CWC27: variants seen among roughly 807,000 people sequenced by gnomAD.
The protein encoded by CWC27 is CWC27 spliceosome associated cyclophilin, also known as spliceosome-associated protein CWC27 homolog.
In CWC27, 47 loss-of-function variants were observed where a neutral mutation model predicts 63.6. That is an observed-to-expected ratio of 0.74 (90% CI 0.58 to 0.94). The LOEUF (loss-of-function observed/expected upper bound fraction) is 0.94, where lower values mean the gene tolerates loss of function less well. CWC27 is among the 40% of genes least tolerant of loss of function. The pLI, the probability that CWC27 is intolerant of heterozygous loss-of-function variation, is 0.00. For synonymous variants in CWC27, 175 were observed against 179.8 expected (o/e 0.97, Z 0.22); for missense variants, 495 against 554.3 (o/e 0.89, Z 1.07).
At chr5:64,903,785 T>G (rs1747562665) in intron 11 of CWC27, among the ~76,000 whole-genome samples, 1 of 152,194 alleles carries the variant, frequency 6.6e-6, no homozygotes, top group Non-Finnish European at 1.5e-5. Flanking sequence ...ATACCGTCCT[T>G]TCTGACGCCC....
At chr5:64,913,910 A>C (rs1747840231) in intron 11 of CWC27, among the ~76,000 whole-genome samples, 1 of 152,122 alleles carries the variant, frequency 6.6e-6, no homozygotes, top group South Asian at 2.1e-4. Flanking sequence ...AAAAGTCAAA[A>C]ATGAGATAGA....
At chr5:64,804,464 C>A in intron 10 of CWC27, 78 bp downstream of exon 10, 2 of 1,336,506 alleles carry the variant, frequency 1.5e-6, no homozygotes, top group Admixed American at 2.6e-5. Flanking sequence ...ATCCTCTCTT[C>A]AGCTAATTTT....
intron 10 of CWC27, among the ~76,000 whole-genome samples, chr5:64,854,007 A>G (rs538198676): frequency 6.6e-6 from 1 of 152,100 alleles, no homozygotes; most frequent in South Asian, 2.1e-4. Flanking sequence ...CCACCATTCT[A>G]CTTTCTGTTT....
chr5:64,807,690 G>A, intron 10 of CWC27: 1 of 1,535,876 alleles, frequency 6.5e-7, no homozygotes, highest in Non-Finnish European at 8.7e-7. Context: ...TGGATTTCTA[G>A]ATTCCAGCCT....
intron 11 of CWC27, among the ~76,000 whole-genome samples, chr5:64,927,822 A>T (rs988769000): frequency 1.4e-4 from 22 of 152,160 alleles, no homozygotes; most frequent in African/African-American, 5.1e-4. Context: ...GGATTTCTAG[A>T]TTATTAACTT....
intron 11 of CWC27, among the ~76,000 whole-genome samples, chr5:64,969,400 C>G (rs370217188): frequency 6.6e-6 from 1 of 152,058 alleles, no homozygotes; most frequent in African/African-American, 2.4e-5. Flanking sequence ...AACTTCTGCC[C>G]TAGGAAATGG....
intron 12 of CWC27, among the ~76,000 whole-genome samples, chr5:64,973,546 G>C (rs572384852): frequency 2.6e-5 from 4 of 152,330 alleles, no homozygotes; most frequent in Admixed American, 2.0e-4. Context: ...TTCCCCTGCA[G>C]ATGCCAATCA....
chr5:64,971,857 A>G (rs753238229), intron 12 of CWC27, 45 bp downstream of exon 12: 1 of 1,310,234 alleles, frequency 7.6e-7, no homozygotes, highest in Non-Finnish European at 1.1e-6. Flanking sequence ...TTGTCTTTTT[A>G]TTGTTTTTAA....
In CWC27 at chr5:64,839,337, C is replaced by T. The variant is rs370868667; in HGVS notation, c.938+34951C>T. ...ATGAAGAAGATGAGAGTTTGAAAGGCTATAGTATACAGAAGTATGTAATGG... is the reference window on the plus strand; with the variant it reads ...ATGAAGAAGATGAGAGTTTGAAAGGTTATAGTATACAGAAGTATGTAATGG... On this transcript the variant is annotated intron_variant, in intron 10 of 13. Transcript: ENST00000381070. Among the ~76,000 whole-genome samples, 36 of 152,178 alleles carry T rather than the reference C, an allele frequency of 2.4e-4. No individual in the cohort carries two copies. The East Asian group carries it at 4.6e-3, about 20-fold the overall frequency.
chr5:64,838,608 G>A (rs1161110211), intron 10 of CWC27, among the ~76,000 whole-genome samples: 1 of 152,156 alleles, frequency 6.6e-6, no homozygotes, highest in Non-Finnish European at 1.5e-5. Flanking sequence ...AGTGAACTCA[G>A]TGTCAGCAAG....
At chr5:64,906,017 T>C (rs532396380) in intron 11 of CWC27, among the ~76,000 whole-genome samples, 14,383 of 152,168 alleles carry the variant, frequency 0.095, 2,071 homozygotes, top group African/African-American at 0.31. Flanking sequence ...CTCATCCTTT[T>C]TTTATGGCTG....
chr5:64,953,603 T>C, intron 11 of CWC27, among the ~76,000 whole-genome samples: 1 of 152,212 alleles, frequency 6.6e-6, no homozygotes, highest in Non-Finnish European at 1.5e-5. Flanking sequence ...TAATTCACTT[T>C]ATGGAACTTA....
At chr5:64,852,273 G>A (rs1026597697) in intron 10 of CWC27, among the ~76,000 whole-genome samples, 4 of 152,098 alleles carry the variant, frequency 2.6e-5, no homozygotes, top group Admixed American at 1.3e-4. Flanking sequence ...AATAACTTTA[G>A]GTTGTATACA....
intron 10 of CWC27, among the ~76,000 whole-genome samples, chr5:64,870,683 TC>T (rs1746649291): frequency 6.6e-6 from 1 of 152,084 alleles, no homozygotes; most frequent in South Asian, 2.1e-4. Context: ...CTTCTTTTTT[TC>T]TAAACAGAAA....
intron 11 of CWC27, among the ~76,000 whole-genome samples, chr5:64,906,150 G>A (rs1223217727): frequency 6.6e-6 from 1 of 152,202 alleles, no homozygotes; most frequent in Non-Finnish European, 1.5e-5. Flanking sequence ...ACGTGTGCAT[G>A]TGTCTTTATA....
At chr5:64,962,372 A>G (rs1748928261) in intron 11 of CWC27, among the ~76,000 whole-genome samples, 1 of 152,240 alleles carries the variant, frequency 6.6e-6, no homozygotes, top group Non-Finnish European at 1.5e-5. Context: ...GCATAACCAG[A>G]CATTGAGTAA....
chr5:64,956,205 TA>T (rs1748800346), intron 11 of CWC27, among the ~76,000 whole-genome samples: 1 of 152,172 alleles, frequency 6.6e-6, no homozygotes, highest in South Asian at 2.1e-4. Flanking sequence ...TAAAAATTTT[TA>T]TAAGAGGCTC....
At chr5:64,850,216 G>A (rs1179866838) in intron 10 of CWC27, among the ~76,000 whole-genome samples, 1 of 70,020 alleles carries the variant, frequency 1.4e-5, no homozygotes, top group Non-Finnish European at 3.1e-5. Flanking sequence ...AAAACAGCTT[G>A]GTACTGGCCA....
chr5:64,977,607 A>T (rs921587925), intron 13 of CWC27, among the ~76,000 whole-genome samples: 2 of 152,114 alleles, frequency 1.3e-5, no homozygotes, highest in Non-Finnish European at 2.9e-5. Flanking sequence ...AATTTCTCAC[A>T]TTTTCCCACA....
Sources: allele counts gnomAD v4.1 joint callset (sites outside exome capture counted in the v4.1 genomes callset), GRCh38; gene constraint gnomAD v4.1.1; transcripts MANE v1.5; gene names NCBI Gene and HGNC (gene_info 2026-07-23, HGNC 2026-07-21).